Variants in RAB10 observed in about 807,000 individuals in gnomAD.
RAB10 encodes the protein ras-related protein Rab-10.
RAB10 carries 5 observed loss-of-function variants against 25.7 expected under a neutral mutation model. That is an observed-to-expected ratio of 0.19 (90% confidence interval 0.10 to 0.41). RAB10 has a LOEUF of 0.41. Ranked by LOEUF, RAB10 falls within the 10% of genes least tolerant of loss-of-function variation. RAB10 has a pLI of 1.00. For missense variants in RAB10, 103 were observed against 245.8 expected, an observed-to-expected ratio of 0.42 and a Z score of 3.89; for synonymous variants, 89 against 86.4, an observed-to-expected ratio of 1.03 and a Z score of -0.16.
At chr2:26,101,969 T>C (rs945401783) in intron 2 of RAB10, 1 of 152,264 alleles carries the variant, frequency 6.6e-6, no homozygotes, top group Non-Finnish European at 1.5e-5. Context: ...ATGTCTTTGA[T>C]CAGGTAACCC....
intron 1 of RAB10, among the ~76,000 whole-genome samples, chr2:26,065,453 T>C (rs1051824060): frequency 1.6e-4 from 25 of 152,136 alleles, no homozygotes; most frequent in African/African-American, 1.9e-4. Context: ...TTGCAAGCTT[T>C]TGTTTTCAAC....
At chr2:26,039,023 T>C (rs1247797602) in intron 1 of RAB10, among the ~76,000 whole-genome samples, 1 of 150,892 alleles carries the variant, frequency 6.6e-6, no homozygotes, top group Non-Finnish European at 1.5e-5. Flanking sequence ...CACTTTTTTT[T>C]TTTTTTTTTT....
At chr2:26,105,160 T>C (rs1365763912) in intron 2 of RAB10, among the ~76,000 whole-genome samples, 3 of 152,176 alleles carry the variant, frequency 2.0e-5, no homozygotes, top group Non-Finnish European at 2.9e-5. Flanking sequence ...AATGAAGATA[T>C]TAGAAGTTTT....
chr2:26,121,151 A>G lies in RAB10; in HGVS notation c.328-5993A>G, dbSNP rs543091018. Among the ~76,000 whole-genome samples, 19 of 152,242 alleles carry G rather than the reference A, an allele frequency of 1.2e-4. 2 individuals carry two copies. In the South Asian group the frequency reaches 3.9e-3, roughly 32 times the overall value. ...GGTCTCGAACCCCTGACCTCATGTG[A>G]TCCACCCACCTCAGCCTCCCAAAGT... On this transcript the variant is annotated intron_variant, in intron 3 of 5. Coordinates refer to ENST00000264710, the MANE Select transcript of RAB10 (RefSeq NM_016131.5).
intron 1 of RAB10, among the ~76,000 whole-genome samples, chr2:26,081,986 C>T (rs945462294): frequency 1.3e-5 from 2 of 151,660 alleles, no homozygotes; most frequent in Non-Finnish European, 1.5e-5. Flanking sequence ...GGATGGAAAT[C>T]GAAACTTACA....
rs1275874293 is a variant in RAB10 at position 26,034,585 on chromosome 2, C to T, written c.-24C>T. 2 of 1,612,208 alleles carry T rather than the reference C, an allele frequency of 1.2e-6. No homozygotes were observed. The highest frequency in any genetic ancestry group is 1.3e-5 in the African/African-American group (1 of 74,888). ...ACCGATCCCTTGGGGCCGCCGGCGGCGAGAGCCCGAGCCGCTCCTCCCAAT... is the reference window on the plus strand; with the variant it reads ...ACCGATCCCTTGGGGCCGCCGGCGGTGAGAGCCCGAGCCGCTCCTCCCAAT... On this transcript the variant is annotated 5_prime_UTR_variant, in exon 1 of 6. Transcript: ENST00000264710.
chr2:26,057,102 A>C (rs1009116575), intron 1 of RAB10, among the ~76,000 whole-genome samples: 3 of 152,250 alleles, frequency 2.0e-5, no homozygotes, highest in Non-Finnish European at 4.4e-5. Context: ...CAGATCTGAG[A>C]GGCATGATAT....
At position 26,074,336 on chromosome 2, in the gene RAB10, G is replaced by C. The variant is rs532097863; in HGVS notation, c.128-24326G>C. 2.6e-5 allele frequency among the ~76,000 whole-genome samples: 4 copies of C among 152,266 alleles called. No homozygotes were observed. In the South Asian group the frequency reaches 8.3e-4, roughly 32 times the overall value. On this transcript the variant is annotated intron_variant, in intron 1 of 5. Transcript: ENST00000264710. ...TTATCTCTAATCAAATTGTATAGTT[G>C]GGATTGGAAGCAAGTGATTGTGGAA...
At chr2:26,123,986 A>G (rs761223093) in intron 3 of RAB10, among the ~76,000 whole-genome samples, 3 of 152,016 alleles carry the variant, frequency 2.0e-5, no homozygotes, top group Non-Finnish European at 4.4e-5. Flanking sequence ...TCCTCAGCCT[A>G]CTCAATTTGA....
At chr2:26,071,973 T>A (rs780273004) in intron 1 of RAB10, among the ~76,000 whole-genome samples, 7 of 152,216 alleles carry the variant, frequency 4.6e-5, no homozygotes, top group African/African-American at 1.2e-4. Context: ...GGTGATAATA[T>A]TATTTTTTTC....
chr2:26,046,838 G>A (rs1666021593), intron 1 of RAB10, among the ~76,000 whole-genome samples: 1 of 152,120 alleles, frequency 6.6e-6, no homozygotes, highest in South Asian at 2.1e-4. Context: ...TTAGAACAAA[G>A]GACAGTGTTG....
chr2:26,082,455 G>C (rs548460857), intron 1 of RAB10, among the ~76,000 whole-genome samples: 1 of 152,206 alleles, frequency 6.6e-6, no homozygotes, highest in South Asian at 2.1e-4. Context: ...AAAGGGGTCA[G>C]TTTGTCATAT....
chr2:26,125,996 G>A (rs1410576792), intron 3 of RAB10, among the ~76,000 whole-genome samples: 4 of 152,062 alleles, frequency 2.6e-5, no homozygotes, highest in African/African-American at 9.7e-5. Flanking sequence ...GAGTTTTATA[G>A]TTTGAGGTCT....
intron 3 of RAB10, among the ~76,000 whole-genome samples, chr2:26,126,583 G>C (rs1259147577): frequency 6.6e-6 from 1 of 152,074 alleles, no homozygotes; most frequent in Admixed American, 6.5e-5. Flanking sequence ...ACAGAGCAAG[G>C]CTCTGTCTCA....
At chr2:26,065,519 A>G (rs1346116172) in intron 1 of RAB10, among the ~76,000 whole-genome samples, 1 of 152,028 alleles carries the variant, frequency 6.6e-6, no homozygotes, top group Non-Finnish European at 1.5e-5. Flanking sequence ...GTGGCACTTC[A>G]GTTTATTGAA....
At position 26,107,000 on chromosome 2, in the gene RAB10, C is replaced by G. The variant is rs144879021; in HGVS notation, c.189-2768C>G. 9.9e-3 allele frequency among the ~76,000 whole-genome samples: 1,511 copies of G among 152,136 alleles called. 15 individuals carry two copies. The highest frequency in any genetic ancestry group is 0.039 in the South Asian group (187 of 4,820). The stretch of plus-strand genomic sequence containing the variant: ...GTGGCTCACGCCTGTAACCCCAGCA[C>G]TTTGGGAAGCTGAGGCGGGCAGATC... On this transcript the variant is annotated intron_variant, in intron 2 of 5. Coordinates refer to ENST00000264710, the MANE Select transcript of RAB10 (RefSeq NM_016131.5).
In RAB10 at chr2:26,135,129, A is replaced by C. The variant is rs1292288076; in HGVS notation, c.*108A>C. ...CTCTAAACAGATATTTTTGTTTCTC[A>C]TCTTAACTATCCAAGCCACCTATTT... On this transcript the variant is annotated 3_prime_UTR_variant, in exon 6 of 6. Transcript: ENST00000264710. 10 of 777,480 alleles carry C rather than the reference A, an allele frequency of 1.3e-5. No homozygotes were observed. Among genetic ancestry groups the C allele is most frequent in the Non-Finnish European group, 1.8e-5 (9 of 510,842 alleles). 48.2% of individuals were successfully genotyped at this position (777,480 alleles called of 1,614,324 possible).
intron 2 of RAB10, among the ~76,000 whole-genome samples, chr2:26,099,741 ACT>A (rs1198318356): frequency 5.3e-5 from 8 of 151,088 alleles, no homozygotes; most frequent in African/African-American, 1.7e-4. Context: ...ACGGGATTTC[ACT>A]GTATTAGCCA....
At position 26,088,910 on chromosome 2, in the gene RAB10, A is replaced by C. The variant is rs1001316144; in HGVS notation, c.128-9752A>C. ...AGTGCTGGGATTACAGGCATGAGCC[A>C]CCATGCCCGGCTTATCTTCAGTTTT... On this transcript the variant is annotated intron_variant, in intron 1 of 5. Transcript: ENST00000264710. Among the ~76,000 whole-genome samples, 4 of 151,802 alleles carry C rather than the reference A, an allele frequency of 2.6e-5. 1 individual carries two copies. In the South Asian group the frequency reaches 6.2e-4, roughly 24 times the overall value.
Sources: allele counts gnomAD v4.1 joint callset (sites outside exome capture counted in the v4.1 genomes callset), GRCh38; gene constraint gnomAD v4.1.1; transcripts MANE v1.5; gene names NCBI Gene and HGNC (gene_info 2026-07-23, HGNC 2026-07-21).